Variants in SGCZ observed in about 807,000 individuals in gnomAD.
The protein encoded by SGCZ is zeta-sarcoglycan.
Under a neutral mutation model 41.3 loss-of-function variants are expected in SGCZ, and 40 were observed. That is an observed-to-expected ratio of 0.97 (90% confidence interval 0.75 to 1.26). SGCZ has a LOEUF of 1.26. SGCZ is among the 50% of genes most tolerant of loss of function. The pLI, the probability that SGCZ is intolerant of heterozygous loss-of-function variation, is 0.00. For synonymous variants in SGCZ, 206 were observed against 137.5 expected (o/e 1.50, Z -3.49); for missense variants, 552 against 369.8 (o/e 1.49, Z -4.04).
At chr8:14,378,580 C>G (rs900705225) in intron 2 of SGCZ, among the ~76,000 whole-genome samples, 3 of 151,964 alleles carry the variant, frequency 2.0e-5, no homozygotes, top group Non-Finnish European at 4.4e-5. Context: ...AACAAATTTA[C>G]AAGAAAAAAA....
intron 2 of SGCZ, among the ~76,000 whole-genome samples, chr8:14,440,509 G>A (rs550149473): frequency 5.3e-5 from 8 of 151,144 alleles, no homozygotes; most frequent in Non-Finnish European, 4.4e-5. Flanking sequence ...TAACTCTTAG[G>A]TTTTTATTTT....
intron 1 of SGCZ, among the ~76,000 whole-genome samples, chr8:14,790,742 A>T (rs946641436): frequency 6.6e-6 from 1 of 152,182 alleles, no homozygotes; most frequent in African/African-American, 2.4e-5. Context: ...AGCAGAAAAT[A>T]GTATACAGCC....
chr8:14,887,006 G>C (rs1804833317), intron 1 of SGCZ, among the ~76,000 whole-genome samples: 1 of 152,206 alleles, frequency 6.6e-6, no homozygotes, highest in African/African-American at 2.4e-5. Context: ...TCAGAGTTTT[G>C]GCTTAAGCAG....
intron 5 of SGCZ, among the ~76,000 whole-genome samples, chr8:14,152,721 G>C (rs1803749482): frequency 6.6e-6 from 1 of 152,078 alleles, no homozygotes; most frequent in African/African-American, 2.4e-5. Context: ...ACAAAAACTT[G>C]TACACAGGGT....
intron 1 of SGCZ, among the ~76,000 whole-genome samples, chr8:14,861,798 G>C (rs545228540): frequency 1.8e-4 from 28 of 152,034 alleles, no homozygotes; most frequent in Non-Finnish European, 3.2e-4. Context: ...TATTCCTTAG[G>C]GGGTGTCAGG....
intron 1 of SGCZ, among the ~76,000 whole-genome samples, chr8:14,685,362 C>G (rs1192681646): frequency 6.6e-6 from 1 of 152,062 alleles, no homozygotes; most frequent in Non-Finnish European, 1.5e-5. Flanking sequence ...AGATAGAAGT[C>G]TAGCTTGAGC....
intron 3 of SGCZ, among the ~76,000 whole-genome samples, chr8:14,297,385 A>G (rs1051720627): frequency 1.3e-5 from 2 of 152,056 alleles, no homozygotes; most frequent in African/African-American, 2.4e-5. Flanking sequence ...AAATTGCAAA[A>G]TAAATATATA....
chr8:14,468,125 G>T (rs544009396), intron 2 of SGCZ, among the ~76,000 whole-genome samples: 6 of 151,986 alleles, frequency 3.9e-5, no homozygotes, highest in Non-Finnish European at 8.8e-5. Flanking sequence ...ATGAGTTTGG[G>T]TTTAATGATC....
chr8:14,417,939 T>C (rs1471066513), intron 2 of SGCZ, among the ~76,000 whole-genome samples: 1 of 151,900 alleles, frequency 6.6e-6, no homozygotes, highest in African/African-American at 2.4e-5. Flanking sequence ...GATTCACATA[T>C]TTTTATCATG....
chr8:14,836,647 C>T lies in SGCZ; in HGVS notation c.40-281721G>A, dbSNP rs187259783. Among the ~76,000 whole-genome samples, 165 of 152,260 alleles carry T rather than the reference C, an allele frequency of 1.1e-3. 2 individuals are homozygous for T. The highest frequency in any genetic ancestry group is 3.4e-3 in the Middle Eastern group (1 of 294). On this transcript the variant is annotated intron_variant, in intron 1 of 7. Coordinates refer to ENST00000382080, the MANE Select transcript of SGCZ (RefSeq NM_139167.4). ...CCAAACAGCTGGGATCGCAGGTGCT[C>T]TCACCATACCCAGGTAATTCTTTTA...
At chr8:14,561,602 C>CA (rs1246756641) in intron 1 of SGCZ, among the ~76,000 whole-genome samples, 1 of 152,088 alleles carries the variant, frequency 6.6e-6, no homozygotes, top group African/African-American at 2.4e-5. Flanking sequence ...GTTTAAAAAG[C>CA]ATTCATTAGA....
At chr8:14,718,091 T>A (rs1299834080) in intron 1 of SGCZ, among the ~76,000 whole-genome samples, 1 of 151,536 alleles carries the variant, frequency 6.6e-6, no homozygotes, top group African/African-American at 2.4e-5. Context: ...TTTATAGAAA[T>A]GAATAACTGT....
chr8:14,284,403 C>G (rs1042483100), intron 3 of SGCZ, among the ~76,000 whole-genome samples: 1 of 152,128 alleles, frequency 6.6e-6, no homozygotes, highest in South Asian at 2.1e-4. Context: ...CACAAACACA[C>G]AAAAAATAGA....
At chr8:14,114,069 C>A (rs1383707965) in intron 5 of SGCZ, among the ~76,000 whole-genome samples, 5 of 152,008 alleles carry the variant, frequency 3.3e-5, no homozygotes, top group Non-Finnish European at 7.4e-5. Context: ...CATTGCATTG[C>A]AATTTGCTTT....
intron 7 of SGCZ, among the ~76,000 whole-genome samples, chr8:14,101,180 T>C (rs1190902722): frequency 6.6e-6 from 1 of 151,832 alleles, no homozygotes; most frequent in Non-Finnish European, 1.5e-5. Context: ...AATTAAAAGC[T>C]CAATGTATGG....
chr8:14,144,727 C>T (rs1361305180), intron 5 of SGCZ, among the ~76,000 whole-genome samples: 5 of 152,176 alleles, frequency 3.3e-5, no homozygotes, highest in Non-Finnish European at 7.4e-5. Flanking sequence ...TATGGACCTG[C>T]TGTGGGCCAG....
intron 1 of SGCZ, among the ~76,000 whole-genome samples, chr8:15,187,720 T>A (rs73665397): frequency 0.063 from 9,657 of 152,094 alleles, 334 homozygotes; most frequent in Non-Finnish European, 0.07. Context: ...TTTCTAAATA[T>A]CAAGATAACT....
At chr8:14,598,694 T>A (rs1004656336) in intron 1 of SGCZ, among the ~76,000 whole-genome samples, 1 of 151,732 alleles carries the variant, frequency 6.6e-6, no homozygotes, top group Non-Finnish European at 1.5e-5. Flanking sequence ...CCCGGCTAAT[T>A]TTTTTTTGTA....
chr8:14,806,841 T>C (rs1290984638), intron 1 of SGCZ, among the ~76,000 whole-genome samples: 5 of 151,624 alleles, frequency 3.3e-5, no homozygotes, highest in South Asian at 2.1e-4. Flanking sequence ...AATAAAATAC[T>C]GGCAAAACGA....
Sources: gnomAD v4.1 joint callset for allele counts (sites outside exome capture counted in the v4.1 genomes callset) on GRCh38, gnomAD v4.1.1 for gene constraint, MANE v1.5 for transcripts, NCBI Gene and HGNC (gene_info 2026-07-23, HGNC 2026-07-21) for gene names.